Variants in NUCB1 observed in about 807,000 individuals in gnomAD.
NUCB1 encodes the protein nucleobindin-1.
In NUCB1, 47 loss-of-function variants were observed where a neutral mutation model predicts 61.2. That is an observed-to-expected ratio of 0.77 (90% CI 0.61 to 0.98). NUCB1 has a LOEUF of 0.98. NUCB1 is among the 50% of genes least tolerant of loss of function. The pLI, the probability that NUCB1 is intolerant of heterozygous loss-of-function variation, is 0.00. For synonymous variants in NUCB1, 234 were observed against 243.1 expected, an observed-to-expected ratio of 0.96 and a Z score of 0.35; for missense variants, 583 against 605.3, an observed-to-expected ratio of 0.96 and a Z score of 0.39.
chr19:48,920,278 G>A (rs1211953878), intron 10 of NUCB1, among the ~76,000 whole-genome samples: 1 of 152,036 alleles, frequency 6.6e-6, no homozygotes, highest in East Asian at 1.9e-4. Context: ...CTATTAGCTG[G>A]GACTACAGGC....
intron 7 of NUCB1, among the ~76,000 whole-genome samples, chr19:48,915,822 G>GT (rs1056812677): frequency 1.5e-3 from 218 of 145,924 alleles, no homozygotes; most frequent in Middle Eastern, 7.2e-3. Context: ...GTTTTGTTTT[G>GT]TTTTTTTTTT....
intron 7 of NUCB1, among the ~76,000 whole-genome samples, chr19:48,915,073 C>G (rs1043145286): frequency 3.3e-5 from 5 of 151,600 alleles, no homozygotes; most frequent in African/African-American, 1.2e-4. Context: ...GAGCAACACT[C>G]CATCTCAAAA....
At chr19:48,901,256 T>C (rs1431617008) in intron 2 of NUCB1, 2 of 486,114 alleles carry the variant, frequency 4.1e-6, no homozygotes, top group Non-Finnish European at 7.5e-6. Context: ...CCAGTAGCAG[T>C]TGATGTTGGC....
intron 5 of NUCB1, among the ~76,000 whole-genome samples, chr19:48,912,320 C>T (rs1447530122): frequency 2.6e-5 from 4 of 152,130 alleles, no homozygotes; most frequent in Non-Finnish European, 5.9e-5. Context: ...CCCACCTCTC[C>T]TAGTCTGACC....
In NUCB1 at chr19:48,919,379, T is replaced by C. The variant is rs1052560707; in HGVS notation, c.1002+93T>C. 3 of 909,696 alleles carry C rather than the reference T, an allele frequency of 3.3e-6. No individual in the cohort carries two copies. In the South Asian group the frequency reaches 4.8e-5, roughly 15 times the overall value. 56.4% of individuals were successfully genotyped at this position (909,696 alleles called of 1,614,324 possible). On this transcript the variant is annotated intron_variant, in intron 10 of 12. Transcript: ENST00000405315. The stretch of plus-strand genomic sequence containing the variant: ...ATCTTAGGCCCCTTCTCTTTCTCTC[T>C]GGGTCCCCGTCCATTCTCCTGGGTC...
chr19:48,908,266 G>T (rs919452873), intron 4 of NUCB1, among the ~76,000 whole-genome samples: 3 of 152,154 alleles, frequency 2.0e-5, no homozygotes, highest in African/African-American at 7.2e-5. Flanking sequence ...GAGTATCTGG[G>T]ATTACAGGTG....
At chr19:48,901,185 G>A in intron 2 of NUCB1, 1 of 599,440 alleles carries the variant, frequency 1.7e-6, no homozygotes, top group Non-Finnish European at 3.0e-6. Context: ...CTCCACCCAA[G>A]AAGGAATTTG....
intron 3 of NUCB1, among the ~76,000 whole-genome samples, 168 bp from the exon 4 acceptor site, chr19:48,905,585 G>A (rs1400640754): frequency 1.3e-5 from 2 of 152,176 alleles, no homozygotes; most frequent in African/African-American, 2.4e-5. Flanking sequence ...GGCCTTGAAT[G>A]CCAGGCTGAC....
chr19:48,912,223 G>C (rs1446656423), intron 5 of NUCB1, among the ~76,000 whole-genome samples: 1 of 151,534 alleles, frequency 6.6e-6, no homozygotes, highest in Non-Finnish European at 1.5e-5. Flanking sequence ...ACAAGGTCTC[G>C]CTGTGTTATG....
intron 4 of NUCB1, among the ~76,000 whole-genome samples, chr19:48,908,067 G>C (rs2037431224): frequency 6.6e-6 from 1 of 152,132 alleles, no homozygotes. Flanking sequence ...GTATTCCTTT[G>C]TTCATCCCTT....
chr19:48,916,859 T>G (rs905302122), intron 7 of NUCB1, among the ~76,000 whole-genome samples: 8 of 152,138 alleles, frequency 5.3e-5, no homozygotes, highest in Non-Finnish European at 8.8e-5. Context: ...GAGGTTGCAG[T>G]GAGCTGAGAT....
chr19:48,912,807 G>A (rs1466041481), intron 5 of NUCB1, among the ~76,000 whole-genome samples: 4 of 139,018 alleles, frequency 2.9e-5, no homozygotes, highest in Admixed American at 7.6e-5. Flanking sequence ...TTGTGCCACC[G>A]CACTCCAGCC....
chr19:48,918,999 A>G lies in NUCB1; in HGVS notation c.817-31A>G, dbSNP rs769008631. On this transcript the variant is annotated intron_variant, in intron 8 of 12. Coordinates refer to ENST00000405315, the MANE Select transcript of NUCB1 (RefSeq NM_006184.6). ...GGAATGAGCTCGCTGGGGACCTCTCAATGCTGTCTGCCTCTCGCTTGCTCC... is the reference window on the plus strand; with the variant it reads ...GGAATGAGCTCGCTGGGGACCTCTCGATGCTGTCTGCCTCTCGCTTGCTCC... 1.9e-6 allele frequency: 3 copies of G among 1,602,320 alleles called. No homozygotes were observed. In the African/African-American group the frequency reaches 4.0e-5, roughly 21 times the overall value.
intron 7 of NUCB1, 196 bp from the exon 8 acceptor site, chr19:48,918,530 C>G (rs1320480091): frequency 1.6e-6 from 1 of 609,620 alleles, no homozygotes; most frequent in African/African-American, 1.8e-5. Context: ...TCTCAACCCC[C>G]TGGTCGCTAG....
chr19:48,905,940 TCAC>T, intron 4 of NUCB1, 55 bp downstream of exon 4: 1 of 1,447,996 alleles, frequency 6.9e-7, no homozygotes, highest in Non-Finnish European at 9.5e-7. Context: ...AAGGGTGGCC[TCAC>T]TCCCGGCCTC....
chr19:48,911,351 T>C, intron 5 of NUCB1, 99 bp downstream of exon 5: 1 of 779,936 alleles, frequency 1.3e-6, no homozygotes, highest in Non-Finnish European at 2.2e-6. Flanking sequence ...CCATTCCTGC[T>C]GGTGTTCTCT....
In NUCB1 at chr19:48,914,122, T is replaced by C. The variant is rs538822339; in HGVS notation, c.757+558T>C. Among the ~76,000 whole-genome samples, 144 of 151,972 alleles carry C rather than the reference T, an allele frequency of 9.5e-4. 1 individual carries two copies. Among genetic ancestry groups the C allele is most frequent in the Admixed American group, 2.8e-3 (43 of 15,202 alleles). The stretch of plus-strand genomic sequence containing the variant: ...TCCCGAGTAGCTGGGATTACAGGCA[T>C]GCACCACCATGCCCGGCTAACTTTT... On this transcript the variant is annotated intron_variant, in intron 7 of 12. Coordinates refer to ENST00000405315, the MANE Select transcript of NUCB1 (RefSeq NM_006184.6).
chr19:48,904,219 T>G, intron 2 of NUCB1, 128 bp from the exon 3 acceptor site: 2 of 597,526 alleles, frequency 3.3e-6, no homozygotes, highest in Non-Finnish European at 3.1e-6. Context: ...CTTTGCTGCA[T>G]ATGTGGGAAA....
intron 4 of NUCB1, among the ~76,000 whole-genome samples, chr19:48,910,289 G>A (rs1237200573): frequency 1.3e-5 from 2 of 151,452 alleles, no homozygotes; most frequent in East Asian, 4.0e-4. Flanking sequence ...TGTTGGCCAG[G>A]ATGGTCTCAA....
Sources: allele counts gnomAD v4.1 joint callset (sites outside exome capture counted in the v4.1 genomes callset), GRCh38; gene constraint gnomAD v4.1.1; transcripts MANE v1.5; gene names NCBI Gene and HGNC (gene_info 2026-07-23, HGNC 2026-07-21).